Variants in WWOX observed in about 807,000 individuals in gnomAD.
The protein encoded by WWOX is WW domain-containing oxidoreductase.
WWOX carries 69 observed loss-of-function variants against 46.2 expected under a neutral mutation model. That is an observed-to-expected ratio of 1.49 (90% CI 1.23 to 1.82). The LOEUF is 1.82. Among genes scored for constraint, WWOX ranks in the 40% most tolerant of loss-of-function variants. The pLI, the probability that WWOX is intolerant of heterozygous loss-of-function variation, is 0.00. For missense variants in WWOX, 919 were observed against 542.6 expected (o/e 1.69, Z -6.89); for synonymous variants, 359 against 202.6 (o/e 1.77, Z -6.56).
At chr16:78,374,023 G>T (rs535729434) in intron 5 of WWOX, among the ~76,000 whole-genome samples, 1 of 152,226 alleles carries the variant, frequency 6.6e-6, no homozygotes, top group Non-Finnish European at 1.5e-5. Flanking sequence ...CTGACCTCAA[G>T]TGGTCTGCCC....
At chr16:78,881,982 T>A (rs2044351930) in intron 8 of WWOX, among the ~76,000 whole-genome samples, 2 of 151,838 alleles carry the variant, frequency 1.3e-5, no homozygotes. Flanking sequence ...AAAAATTAGG[T>A]GGGTGTGGTG....
intron 8 of WWOX, among the ~76,000 whole-genome samples, chr16:78,504,132 G>A (rs2085135989): frequency 6.6e-6 from 1 of 152,084 alleles, no homozygotes; most frequent in Admixed American, 6.6e-5. Context: ...AAGATACAAA[G>A]CTAGAAACTA....
At chr16:78,800,903 C>A (rs1304933227) in intron 8 of WWOX, among the ~76,000 whole-genome samples, 1 of 151,978 alleles carries the variant, frequency 6.6e-6, no homozygotes, top group Non-Finnish European at 1.5e-5. Context: ...AAGGCATTCC[C>A]CAATATAACC....
At chr16:78,983,232 A>C (rs1411480673) in intron 8 of WWOX, among the ~76,000 whole-genome samples, 1 of 152,210 alleles carries the variant, frequency 6.6e-6, no homozygotes, top group Non-Finnish European at 1.5e-5. Flanking sequence ...CAAATTGTTT[A>C]TCCTGAAATG....
intron 5 of WWOX, among the ~76,000 whole-genome samples, chr16:78,209,413 A>G (rs984854284): frequency 5.9e-5 from 9 of 152,236 alleles, no homozygotes; most frequent in African/African-American, 1.7e-4. Context: ...GAGCTACACA[A>G]TTCTATCCAA....
intron 8 of WWOX, among the ~76,000 whole-genome samples, chr16:79,033,524 G>T (rs980515557): frequency 1.3e-5 from 2 of 152,030 alleles, no homozygotes; most frequent in South Asian, 2.1e-4. Context: ...GGATTTTCCA[G>T]ATTTCCCCTG....
At chr16:78,827,484 C>T (rs961329829) in intron 8 of WWOX, among the ~76,000 whole-genome samples, 1 of 152,068 alleles carries the variant, frequency 6.6e-6, no homozygotes, top group East Asian at 1.9e-4. Context: ...CATTTCCAGC[C>T]CCATTTTCTG....
chr16:78,368,819 G>C (rs74959846), intron 5 of WWOX, among the ~76,000 whole-genome samples: 3,726 of 152,276 alleles, frequency 0.024, 61 homozygotes, highest in Non-Finnish European at 0.041. Context: ...GGTGACTACA[G>C]AGCCAGATTC....
intron 8 of WWOX, among the ~76,000 whole-genome samples, chr16:78,923,206 C>G (rs12716864): frequency 0.58 from 88,449 of 151,732 alleles, 29,313 homozygotes; most frequent in South Asian, 0.77. Flanking sequence ...GTCTCAAACT[C>G]CCAACCTCAG....
At chr16:78,654,829 C>G (rs116691450) in intron 8 of WWOX, among the ~76,000 whole-genome samples, 1 of 151,316 alleles carries the variant, frequency 6.6e-6, no homozygotes, top group African/African-American at 2.4e-5. Context: ...ACCAGTGATT[C>G]TTCAGTAGGG....
chr16:79,162,614 A>T (rs1027008161), intron 8 of WWOX, among the ~76,000 whole-genome samples: 1 of 152,200 alleles, frequency 6.6e-6, no homozygotes, highest in African/African-American at 2.4e-5. Context: ...AGGCCTTGGG[A>T]GATGCAAACA....
At chr16:78,777,218 C>G (rs1230640233) in intron 8 of WWOX, among the ~76,000 whole-genome samples, 3 of 151,718 alleles carry the variant, frequency 2.0e-5, no homozygotes, top group African/African-American at 7.3e-5. Context: ...TTTTTCCCAT[C>G]TCTTCCTTCC....
chr16:78,788,770 A>G (rs78166653), intron 8 of WWOX, among the ~76,000 whole-genome samples: 1,679 of 152,284 alleles, frequency 0.011, 36 homozygotes, highest in African/African-American at 0.038. Context: ...CCCCTCAGCC[A>G]GACATTCTGA....
intron 8 of WWOX, among the ~76,000 whole-genome samples, chr16:79,118,827 C>A (rs1309840490): frequency 1.3e-5 from 2 of 152,202 alleles, no homozygotes; most frequent in African/African-American, 4.8e-5. Context: ...TTATACATTT[C>A]ATCATGTTGT....
intron 8 of WWOX, among the ~76,000 whole-genome samples, chr16:79,075,627 A>C (rs1190028353): frequency 6.6e-6 from 1 of 151,190 alleles, no homozygotes; most frequent in Non-Finnish European, 1.5e-5. Context: ...ATCTTGGCTC[A>C]CTGCACCCTC....
chr16:78,908,689 T>A (rs906363697), intron 8 of WWOX, among the ~76,000 whole-genome samples: 3 of 151,976 alleles, frequency 2.0e-5, no homozygotes, highest in Non-Finnish European at 4.4e-5. Flanking sequence ...TGGGGAGTAT[T>A]GATTGGTCAG....
chr16:78,844,892 C>T (rs1016546088), intron 8 of WWOX, among the ~76,000 whole-genome samples: 4 of 152,160 alleles, frequency 2.6e-5, no homozygotes, highest in Non-Finnish European at 4.4e-5. Flanking sequence ...CCAAAGTGGC[C>T]AGAGCTAGTG....
intron 8 of WWOX, among the ~76,000 whole-genome samples, chr16:79,176,285 C>A (rs2347568): frequency 0.45 from 67,707 of 152,002 alleles, 16,014 homozygotes; most frequent in East Asian, 0.87. Flanking sequence ...CAGGCTGCAG[C>A]CACTTAGTGG....
intron 5 of WWOX, among the ~76,000 whole-genome samples, chr16:78,374,500 T>C (rs560064836): frequency 6.6e-6 from 1 of 151,470 alleles, no homozygotes; most frequent in African/African-American, 2.4e-5. Flanking sequence ...TTATGGTGTT[T>C]TGAGTCCTCA....
Sources: allele counts gnomAD v4.1 joint callset (sites outside exome capture counted in the v4.1 genomes callset), GRCh38; gene constraint gnomAD v4.1.1; transcripts MANE v1.5; gene names NCBI Gene and HGNC (gene_info 2026-07-23, HGNC 2026-07-21).